The following SH3BP5 variants were observed in gnomAD, a reference collection of about 807,000 sequenced individuals.
SH3BP5 encodes the protein SH3 domain-binding protein 5.
In SH3BP5, 22 loss-of-function variants were observed where a neutral mutation model predicts 43.3. The observed-to-expected ratio is 0.51, with a 90% CI of 0.36 to 0.73. SH3BP5 has a LOEUF of 0.73. SH3BP5 is among the 30% of genes least tolerant of loss of function. The probability of loss-of-function intolerance (pLI) is 0.00; values close to 1 mark genes in which losing one functional copy is unlikely to be tolerated. For synonymous variants in SH3BP5, 255 were observed against 225.8 expected (o/e 1.13, Z -1.16); for missense variants, 529 against 586.9 (o/e 0.90, Z 1.02).
At chr3:15,286,743 G>T (rs895054599) in intron 3 of SH3BP5, among the ~76,000 whole-genome samples, 4 of 152,038 alleles carry the variant, frequency 2.6e-5, no homozygotes, top group African/African-American at 9.7e-5. Context: ...ATGGGGTTTT[G>T]CCACGTTGCC....
At chr3:15,298,180 C>T (rs906683608) in intron 3 of SH3BP5, among the ~76,000 whole-genome samples, 1 of 152,046 alleles carries the variant, frequency 6.6e-6, no homozygotes, top group East Asian at 1.9e-4. Flanking sequence ...ATTGCCTAGG[C>T]TGGCCTCGAA....
intron 2 of SH3BP5, among the ~76,000 whole-genome samples, chr3:15,321,515 C>CT (rs34363123): frequency 0.054 from 7,845 of 143,992 alleles, 584 homozygotes; most frequent in African/African-American, 0.17. Flanking sequence ...CTTATAAAGA[C>CT]TTTTTTTTTT....
chr3:15,310,278 T>C (rs763406691), intron 2 of SH3BP5, among the ~76,000 whole-genome samples: 2 of 152,212 alleles, frequency 1.3e-5, no homozygotes, highest in Non-Finnish European at 2.9e-5. Flanking sequence ...ATAGCAGCCA[T>C]CCTGGCATCA....
intron 4 of SH3BP5, among the ~76,000 whole-genome samples, chr3:15,263,194 ACTTT>A (rs1696515098): frequency 6.6e-6 from 1 of 152,244 alleles, no homozygotes; most frequent in African/African-American, 2.4e-5. Context: ...ACAGCTGTCC[ACTTT>A]CTTCTCAGGT....
intron 3 of SH3BP5, among the ~76,000 whole-genome samples, chr3:15,271,828 G>T (rs1183954502): frequency 6.6e-6 from 1 of 152,142 alleles, no homozygotes; most frequent in Non-Finnish European, 1.5e-5. Flanking sequence ...GCCATGTGAT[G>T]GCAGCTGTGT....
rs779353038 is a variant in SH3BP5 at position 15,256,353 on chromosome 3, G to A, written c.1151-50C>T. The A allele has an allele frequency of 9.7e-6, 15 of 1,546,430 alleles. No individual in the cohort carries two copies. The African/African-American group carries it at 2.1e-4, about 21-fold the overall frequency. ...AAGTGAGTATTGACAATTCTGCCCT[G>A]TCTCCTATAGAAATACAAAGATTAT... On this transcript the variant is annotated intron_variant, in intron 8 of 8. Transcript: ENST00000383791.
intron 8 of SH3BP5, chr3:15,256,529 A>G (rs1696206694): frequency 4.9e-6 from 3 of 606,882 alleles, no homozygotes; most frequent in East Asian, 2.8e-5. Context: ...GATGTTTTAT[A>G]TATTCCTTAG....
chr3:15,259,106 T>G, intron 6 of SH3BP5, 56 bp from the exon 7 acceptor site: 1 of 1,393,004 alleles, frequency 7.2e-7, no homozygotes, highest in Non-Finnish European at 1.0e-6. Flanking sequence ...TTAAGATGCT[T>G]TCTGAATGAC....
Position 15,255,152 on chromosome 3 carries a change from T to G in SH3BP5, c.*934A>C, listed in dbSNP as rs897633363. The G allele has an allele frequency of 6.6e-5, 10 of 152,628 alleles. No homozygotes were observed. The highest frequency in any genetic ancestry group is 1.5e-4 in the Non-Finnish European group (10 of 68,044). The allele number at this position is 152,628 out of a possible 1,614,324, so 9.5% of individuals were successfully genotyped here. On this transcript the variant is annotated 3_prime_UTR_variant, in exon 9 of 9. Transcript: ENST00000383791. Reference sequence around the variant, plus strand: ...ACTATTAACAGCCTTTGCCAACACATGCCTGCCTACTCCCTTTCCTAACTT... The same window carrying G: ...ACTATTAACAGCCTTTGCCAACACAGGCCTGCCTACTCCCTTTCCTAACTT...
chr3:15,320,777 A>G (rs181033271), intron 2 of SH3BP5, among the ~76,000 whole-genome samples: 1 of 152,288 alleles, frequency 6.6e-6, no homozygotes, highest in African/African-American at 2.4e-5. Flanking sequence ...CAGGGATAGC[A>G]ATGAATCCAT....
chr3:15,265,142 C>G (rs1283979482), intron 4 of SH3BP5, among the ~76,000 whole-genome samples: 1 of 152,100 alleles, frequency 6.6e-6, no homozygotes, highest in Non-Finnish European at 1.5e-5. Flanking sequence ...GCCAGCACAT[C>G]ACTGTCCCCT....
intron 2 of SH3BP5, among the ~76,000 whole-genome samples, chr3:15,325,713 T>TA (rs1698443213): frequency 6.6e-6 from 1 of 152,210 alleles, no homozygotes; most frequent in African/African-American, 2.4e-5. Context: ...AGGTGCTCAA[T>TA]AAATACTTAG....
chr3:15,261,962 C>G (rs1005630215), intron 5 of SH3BP5, among the ~76,000 whole-genome samples, 197 bp downstream of exon 5: 16 of 152,288 alleles, frequency 1.1e-4, no homozygotes, highest in Admixed American at 1.0e-3. Flanking sequence ...GCAGCCCACC[C>G]CTTAGCATCC....
At chr3:15,310,071 C>G (rs1415983600) in intron 2 of SH3BP5, among the ~76,000 whole-genome samples, 1 of 152,150 alleles carries the variant, frequency 6.6e-6, no homozygotes, top group Non-Finnish European at 1.5e-5. Flanking sequence ...TCCTCACCCC[C>G]ACCTCTCAGT....
At chr3:15,256,467 G>C in intron 8 of SH3BP5, 164 bp from the exon 9 acceptor site, 1 of 711,378 alleles carries the variant, frequency 1.4e-6, no homozygotes, top group Non-Finnish European at 2.4e-6. Context: ...TACCTACCGT[G>C]CCTATCAGAG....
At chr3:15,288,940 T>G (rs1478525238) in intron 3 of SH3BP5, among the ~76,000 whole-genome samples, 1 of 152,088 alleles carries the variant, frequency 6.6e-6, no homozygotes, top group Non-Finnish European at 1.5e-5. Flanking sequence ...CAATGTAGAA[T>G]GGGAAAGGAG....
chr3:15,281,825 A>G (rs6775316), intron 3 of SH3BP5, among the ~76,000 whole-genome samples: 8,915 of 152,208 alleles, frequency 0.059, 827 homozygotes, highest in African/African-American at 0.2. Flanking sequence ...CAACATGGTG[A>G]AACCCTTTTT....
At chr3:15,280,836 AC>A (rs1697107679) in intron 3 of SH3BP5, among the ~76,000 whole-genome samples, 1 of 152,118 alleles carries the variant, frequency 6.6e-6, no homozygotes, top group South Asian at 2.1e-4. Context: ...CATTCCCAGG[AC>A]CCACAAAACA....
intron 1 of SH3BP5, among the ~76,000 whole-genome samples, chr3:15,341,038 G>A (rs889698934): frequency 4.6e-5 from 7 of 152,058 alleles, no homozygotes; most frequent in Admixed American, 4.6e-4. Flanking sequence ...GGCAACAAGA[G>A]TGAAAGTCCG....
Sources: gnomAD v4.1 joint callset for allele counts (sites outside exome capture counted in the v4.1 genomes callset) on GRCh38, gnomAD v4.1.1 for gene constraint, MANE v1.5 for transcripts, NCBI Gene and HGNC (gene_info 2026-07-23, HGNC 2026-07-21) for gene names.